AKAP13: variants seen among roughly 807,000 people sequenced by gnomAD.
The protein encoded by AKAP13 is A-kinase anchor protein 13.
Under a neutral mutation model 264.5 loss-of-function variants are expected in AKAP13, and 80 were observed. The observed-to-expected ratio is 0.30, with a 90% CI of 0.25 to 0.36. The LOEUF (loss-of-function observed/expected upper bound fraction) is 0.36. Ranked by LOEUF, AKAP13 falls within the 10% of genes least tolerant of loss-of-function variation. AKAP13 has a pLI of 1.00. For missense variants in AKAP13, 3,712 were observed against 3,435.2 expected, an observed-to-expected ratio of 1.08 and a Z score of -2.01; for synonymous variants, 1,380 against 1,250.2, an observed-to-expected ratio of 1.10 and a Z score of -2.19.
chr15:85,597,064 T>C (rs1290261226), intron 8 of AKAP13, among the ~76,000 whole-genome samples: 1 of 152,242 alleles, frequency 6.6e-6, no homozygotes, highest in Non-Finnish European at 1.5e-5. Context: ...TTTTGATTTA[T>C]GTAAAAACAG....
rs1407766827 is a variant in AKAP13 at position 85,743,752 on chromosome 15, G to A, written c.8319G>A (p.Leu2773=). Residue 2773 remains leucine, a synonymous_variant, in exon 36 of 37, where the codon CTG becomes CTA. Coordinates refer to ENST00000394518, the MANE Select transcript of AKAP13 (RefSeq NM_007200.5). ...CGTCCACCTCTGCCTCTACCCGCCT[G>A]TTTGGGTTAACAAAGCCAAAGGAAA... ...APASTSASTR[L]FGLTKPKEKK... 2 of 1,614,054 alleles carry A rather than the reference G, an allele frequency of 1.2e-6. No homozygotes were observed. Among genetic ancestry groups the A allele is most frequent in the Admixed American group, 1.7e-5 (1 of 59,998 alleles).
intron 10 of AKAP13, among the ~76,000 whole-genome samples, chr15:85,650,791 C>CAAAA (rs1191739643): frequency 2.1e-4 from 14 of 65,148 alleles, no homozygotes; most frequent in Non-Finnish European, 4.0e-4. Context: ...AAAAAAAAAA[C>CAAAA]AACAAAAACT....
At chr15:85,669,047 C>G (rs1365145474) in intron 13 of AKAP13, among the ~76,000 whole-genome samples, 1 of 151,934 alleles carries the variant, frequency 6.6e-6, no homozygotes, top group Non-Finnish European at 1.5e-5. Flanking sequence ...ACCTGCCTGA[C>G]CAACATGGTG....
intron 7 of AKAP13, among the ~76,000 whole-genome samples, chr15:85,583,799 A>T (rs957751874): frequency 1.3e-5 from 2 of 152,196 alleles, no homozygotes; most frequent in Admixed American, 1.3e-4. Context: ...TATAGTAAAG[A>T]TGGTGAGAAA....
chr15:85,619,631 TC>T (rs1192974679), intron 8 of AKAP13: 2 of 986,236 alleles, frequency 2.0e-6, no homozygotes, highest in Non-Finnish European at 2.4e-6. Context: ...TTTCTTTCTC[TC>T]CCTCTTCCTG....
intron 14 of AKAP13, among the ~76,000 whole-genome samples, chr15:85,672,219 G>A (rs2083968855): frequency 1.3e-5 from 2 of 152,278 alleles, no homozygotes; most frequent in East Asian, 1.9e-4. Context: ...TGTAGTGTAC[G>A]TTTCATGCAG....
At chr15:85,732,139 TA>T (rs2088095554) in intron 30 of AKAP13, among the ~76,000 whole-genome samples, 1 of 151,874 alleles carries the variant, frequency 6.6e-6, no homozygotes, top group South Asian at 2.1e-4. Flanking sequence ...CTAACCTTAT[TA>T]AAAGCTCAGA....
chr15:85,740,609 G>T, intron 34 of AKAP13: 1 of 349,978 alleles, frequency 2.9e-6, no homozygotes, highest in Non-Finnish European at 5.2e-6. Context: ...TATTTGAATA[G>T]AGTGGCCTTC....
chr15:85,444,035 G>A (rs993937871), intron 1 of AKAP13, among the ~76,000 whole-genome samples: 41 of 152,144 alleles, frequency 2.7e-4, no homozygotes. Context: ...CTGCTGGCAG[G>A]AATTTTTATC....
intron 2 of AKAP13, among the ~76,000 whole-genome samples, chr15:85,498,307 T>C (rs1256856888): frequency 6.6e-6 from 1 of 151,628 alleles, no homozygotes; most frequent in Non-Finnish European, 1.5e-5. Flanking sequence ...TTTGACATAG[T>C]GCATGTAAAG....
chr15:85,391,707 A>G (rs1273568537), intron 1 of AKAP13, among the ~76,000 whole-genome samples: 1 of 150,298 alleles, frequency 6.7e-6, no homozygotes, highest in East Asian at 1.9e-4. Flanking sequence ...CTGTTCCTGA[A>G]CTCTTAGACT....
intron 8 of AKAP13, among the ~76,000 whole-genome samples, chr15:85,592,593 G>C (rs2079630033): frequency 6.6e-6 from 1 of 152,122 alleles, no homozygotes; most frequent in Non-Finnish European, 1.5e-5. Flanking sequence ...ATACATTTTT[G>C]GCATGTAAGA....
chr15:85,491,704 A>T (rs1038749071), intron 2 of AKAP13, among the ~76,000 whole-genome samples: 1 of 152,020 alleles, frequency 6.6e-6, no homozygotes, highest in African/African-American at 2.4e-5. Flanking sequence ...TAAGTGGTGT[A>T]TAATATGATT....
intron 2 of AKAP13, among the ~76,000 whole-genome samples, chr15:85,508,217 C>T (rs1056254074): frequency 6.6e-6 from 1 of 151,094 alleles, no homozygotes; most frequent in Non-Finnish European, 1.5e-5. Flanking sequence ...AGTCTTGGCT[C>T]ATTGCAGCCT....
At chr15:85,530,220 G>T (rs116271711) in intron 3 of AKAP13, among the ~76,000 whole-genome samples, 2 of 152,176 alleles carry the variant, frequency 1.3e-5, no homozygotes. Flanking sequence ...CCTGTCGTTC[G>T]CCCTCATCCC....
At chr15:85,443,203 A>G (rs1177957443) in intron 1 of AKAP13, among the ~76,000 whole-genome samples, 1 of 151,008 alleles carries the variant, frequency 6.6e-6, no homozygotes, top group Non-Finnish European at 1.5e-5. Flanking sequence ...AAGTCCCAAG[A>G]TCCCCTTATG....
At chr15:85,487,647 C>T (rs1201918688) in intron 2 of AKAP13, among the ~76,000 whole-genome samples, 2 of 151,972 alleles carry the variant, frequency 1.3e-5, no homozygotes, top group African/African-American at 2.4e-5. Flanking sequence ...CTCACAGCAT[C>T]GTGGAACTCC....
Position 85,748,009 on chromosome 15 carries a change from C to A in AKAP13, c.*3332C>A, listed in dbSNP as rs2089419886. On this transcript the variant is annotated 3_prime_UTR_variant, in exon 37 of 37. Coordinates refer to ENST00000394518, the MANE Select transcript of AKAP13 (RefSeq NM_007200.5). ...GCATGCAAGGGTTGAACTAGATAGA[C>A]CCTGCCTTAGTAGAGGGTGGGACTA... 1 of 152,372 alleles carries A rather than the reference C, an allele frequency of 6.6e-6. No individual in the cohort carries two copies. Among genetic ancestry groups the A allele is most frequent in the Admixed American group, 6.5e-5 (1 of 15,274 alleles). 9.4% of individuals were successfully genotyped at this position (152,372 alleles called of 1,614,324 possible).
At chr15:85,537,231 T>TG (rs1267607457) in intron 4 of AKAP13, among the ~76,000 whole-genome samples, 2 of 151,076 alleles carry the variant, frequency 1.3e-5, no homozygotes, top group Middle Eastern at 3.2e-3. Flanking sequence ...ACAAATGTAA[T>TG]GGAATAGTCT....
Sources: gnomAD v4.1 joint callset for allele counts (sites outside exome capture counted in the v4.1 genomes callset) on GRCh38, gnomAD v4.1.1 for gene constraint, MANE v1.5 for transcripts, NCBI Gene and HGNC (gene_info 2026-07-23, HGNC 2026-07-21) for gene names.